HEXD: variants seen among roughly 807,000 people sequenced by gnomAD.
HEXD encodes N-acetyl-beta-galactosaminidase.
A neutral mutation model predicts 54.2 loss-of-function variants in HEXD; 47 were observed. That is an observed-to-expected ratio of 0.87 (90% confidence interval 0.69 to 1.11). The LOEUF (loss-of-function observed/expected upper bound fraction) is 1.11, where lower values mean the gene tolerates loss of function less well. HEXD is among the 50% of genes least tolerant of loss of function. The probability of loss-of-function intolerance (pLI) is 0.00; values close to 1 mark genes in which losing one functional copy is unlikely to be tolerated. For missense variants in HEXD, 576 were observed against 649.2 expected, an observed-to-expected ratio of 0.89 and a Z score of 1.23; for synonymous variants, 293 against 287.6, an observed-to-expected ratio of 1.02 and a Z score of -0.19.
In HEXD at chr17:82,424,522, G is replaced by A; in HGVS notation, c.194+19G>A. 1 of 1,563,192 alleles carries A rather than the reference G, an allele frequency of 6.4e-7. No homozygotes were observed. Among genetic ancestry groups the A allele is most frequent in the South Asian group, 1.1e-5 (1 of 90,024 alleles). ...CCTACAGGTAACACTGCCCGTGGCAGGTACAGGGGCGCGGCGTGAAAGCGG... is the reference window on the plus strand; with the variant it reads ...CCTACAGGTAACACTGCCCGTGGCAAGTACAGGGGCGCGGCGTGAAAGCGG... On this transcript the variant is annotated intron_variant, in intron 3 of 12. Transcript: ENST00000327949.
At chr17:82,420,329 G>GGGAA (rs1178951966) in intron 2 of HEXD, 2 of 152,638 alleles carry the variant, frequency 1.3e-5, no homozygotes, top group African/African-American at 4.8e-5. Flanking sequence ...GACACACGGA[G>GGGAA]GGAAGGCAGT....
chr17:82,428,452 T>C (rs1336123397), intron 3 of HEXD, 106 bp from the exon 4 acceptor site: 4 of 895,944 alleles, frequency 4.5e-6, no homozygotes, highest in Non-Finnish European at 7.2e-6. Context: ...GGCCTTACTG[T>C]TTCCCGGAGA....
At chr17:82,437,478 C>T (rs924993614) in intron 8 of HEXD, 115 bp downstream of exon 8, 29 of 938,272 alleles carry the variant, frequency 3.1e-5, no homozygotes, top group Middle Eastern at 3.4e-4. Context: ...GGAAGCAGCC[C>T]GGGCCTCCAA....
At chr17:82,430,152 C>T (rs1339236937) in intron 4 of HEXD, among the ~76,000 whole-genome samples, 1 of 152,218 alleles carries the variant, frequency 6.6e-6, no homozygotes, top group African/African-American at 2.4e-5. Flanking sequence ...CACTCTGCCC[C>T]TCCGTGCCCC....
intron 4 of HEXD, among the ~76,000 whole-genome samples, chr17:82,432,790 G>A (rs896170050): frequency 2.0e-5 from 3 of 151,754 alleles, no homozygotes; most frequent in Admixed American, 6.6e-5. Flanking sequence ...ATGGCTGGGT[G>A]CAGTGGCTCA....
intron 6 of HEXD, 63 bp downstream of exon 6, chr17:82,435,935 A>T: frequency 1.3e-6 from 2 of 1,513,912 alleles, no homozygotes; most frequent in Non-Finnish European, 1.8e-6. Context: ...GCGGCTTCAA[A>T]GAAAGAAGGT....
intron 3 of HEXD, 32 bp downstream of exon 3, chr17:82,424,535 G>A (rs768836205): frequency 2.8e-5 from 42 of 1,506,820 alleles, no homozygotes; most frequent in East Asian, 4.5e-5. Flanking sequence ...ACAGGGGCGC[G>A]GCGTGAAAGC....
At chr17:82,433,997 C>G (rs555152962) in intron 5 of HEXD, among the ~76,000 whole-genome samples, 175 bp downstream of exon 5, 25 of 152,116 alleles carry the variant, frequency 1.6e-4, no homozygotes, top group Admixed American at 1.0e-3. Context: ...GGACAGCCTG[C>G]GGAGCCCGAG....
chr17:82,421,564 G>A (rs930240350), intron 2 of HEXD, among the ~76,000 whole-genome samples: 5 of 152,168 alleles, frequency 3.3e-5, no homozygotes, highest in African/African-American at 7.2e-5. Flanking sequence ...GGTGGCTCAC[G>A]TCTGTAATCC....
intron 3 of HEXD, among the ~76,000 whole-genome samples, chr17:82,424,923 A>G (rs1402725317): frequency 5.3e-5 from 8 of 151,754 alleles, no homozygotes; most frequent in African/African-American, 1.7e-4. Context: ...GGAGAAGGCT[A>G]GAGAAGGCTG....
intron 3 of HEXD, among the ~76,000 whole-genome samples, chr17:82,424,861 G>T (rs1282576472): frequency 2.6e-5 from 4 of 152,168 alleles, no homozygotes; most frequent in African/African-American, 9.7e-5. Context: ...GTTAGAGAAG[G>T]CCAGAGAAGG....
Position 82,437,163 on chromosome 17 carries a change from C to A in HEXD, c.704-5C>A. 1 of 1,576,484 alleles carries A rather than the reference C, an allele frequency of 6.3e-7. No individual in the cohort carries two copies. The highest frequency in any genetic ancestry group is 8.6e-7 in the Non-Finnish European group (1 of 1,156,314). Reference sequence around the variant, plus strand: ...AGCCACTCACCTGTTTGCTTTCTCACCCAGTCCTCCTCATGCAGAAGTACC... The same window carrying A: ...AGCCACTCACCTGTTTGCTTTCTCAACCAGTCCTCCTCATGCAGAAGTACC... On this transcript the variant is annotated splice_region_variant and splice_polypyrimidine_tract_variant and intron_variant, in intron 7 of 12. Transcript: ENST00000327949.
Position 82,429,049 on chromosome 17 carries a change from C to T in HEXD, c.282+404C>T, listed in dbSNP as rs1238556112. Among the ~76,000 whole-genome samples, 4 of 152,094 alleles carry T rather than the reference C, an allele frequency of 2.6e-5. No homozygotes were observed. The East Asian group carries it at 5.8e-4, about 22-fold the overall frequency. On this transcript the variant is annotated intron_variant, in intron 4 of 12. Transcript: ENST00000327949. Reference sequence around the variant, plus strand: ...CCGAGGCTGGTGGATCACCTGAGGTCAGGAGTTCGAGACCAGCCTGACCAA... The same window carrying T: ...CCGAGGCTGGTGGATCACCTGAGGTTAGGAGTTCGAGACCAGCCTGACCAA...
At position 82,433,130 on chromosome 17, in the gene HEXD, T is replaced by A. The variant is rs1223934151; in HGVS notation, c.283-528T>A. Among the ~76,000 whole-genome samples the A allele has an allele frequency of 8.1e-3, 163 of 20,016 alleles. 1 individual carries two copies. The highest frequency in any genetic ancestry group is 9.2e-3 in the Non-Finnish European group (120 of 13,108). 13.1% of individuals were successfully genotyped at this position (20,016 alleles called of 152,430 possible). On this transcript the variant is annotated intron_variant, in intron 4 of 12. Coordinates refer to ENST00000327949, the MANE Select transcript of HEXD (RefSeq NM_001330542.2). The stretch of plus-strand genomic sequence containing the variant: ...TATATATATATATATATATATATAT[T>A]TTTTTTTTTTTTTTATATATATATT...
At position 82,441,879 on chromosome 17, in the gene HEXD, G is replaced by T; in HGVS notation, c.1243G>T (p.Ala415Ser). The change falls in exon 12 of 13, where the codon GCA becomes TCA. Residue 415 changes from alanine to serine, a missense_variant. Transcript: ENST00000327949. Reference sequence around the variant, plus strand: ...GGTCATGGTTCAGCACATCCAGCCCGCAGCGCTCAGGTGAGGCCCTGGGCT... The same window carrying T: ...GGTCATGGTTCAGCACATCCAGCCCTCAGCGCTCAGGTGAGGCCCTGGGCT... ...HPVMVQHIQP[A>S]ALSLLAQWST... 1 of 1,613,080 alleles carries T rather than the reference G, an allele frequency of 6.2e-7. No homozygotes were observed. The highest frequency in any genetic ancestry group is 8.5e-7 in the Non-Finnish European group (1 of 1,179,924).
At chr17:82,420,809 A>G (rs1470185137) in intron 2 of HEXD, among the ~76,000 whole-genome samples, 1 of 151,982 alleles carries the variant, frequency 6.6e-6, no homozygotes, top group Non-Finnish European at 1.5e-5. Flanking sequence ...CTCGTGATCC[A>G]CCCGCCTCAG....
At chr17:82,439,946 G>C in intron 9 of HEXD, 1 of 1,507,450 alleles carries the variant, frequency 6.6e-7, no homozygotes, top group Non-Finnish European at 8.9e-7. Context: ...GAGTGACGCG[G>C]GAGGCACCCC....
intron 5 of HEXD, 48 bp from the exon 6 acceptor site, chr17:82,435,641 C>A (rs772215126): frequency 6.4e-7 from 1 of 1,561,882 alleles, no homozygotes; most frequent in Non-Finnish European, 8.7e-7. Context: ...ACCCTCCCAC[C>A]GGTGTGCACG....
intron 4 of HEXD, among the ~76,000 whole-genome samples, chr17:82,430,962 G>A (rs1157460235): frequency 6.6e-6 from 1 of 151,970 alleles, no homozygotes; most frequent in Non-Finnish European, 1.5e-5. Flanking sequence ...TCCATTTTTA[G>A]TTTGGTATTT....
Sources: allele counts gnomAD v4.1 joint callset (sites outside exome capture counted in the v4.1 genomes callset), GRCh38; gene constraint gnomAD v4.1.1; transcripts MANE v1.5; gene names NCBI Gene and HGNC (gene_info 2026-07-23, HGNC 2026-07-21).